Variants in DNMT1 observed in about 807,000 individuals in gnomAD.
DNMT1 encodes DNA methyltransferase 1.
A neutral mutation model predicts 205.3 loss-of-function variants in DNMT1; 24 were observed. The ratio of observed to expected loss-of-function variants is 0.12; its 90% confidence interval spans 0.08 to 0.16. The LOEUF (loss-of-function observed/expected upper bound fraction) is 0.16, where lower values mean the gene tolerates loss of function less well. Ranked by LOEUF, DNMT1 falls within the 10% of genes least tolerant of loss-of-function variation. The pLI, the probability that DNMT1 is intolerant of heterozygous loss-of-function variation, is 1.00. For synonymous variants in DNMT1, 817 were observed against 839.8 expected (o/e 0.97, Z 0.47); for missense variants, 1,293 against 2,177.7 (o/e 0.59, Z 8.09).
chr19:10,194,052 G>A (rs1324544735), intron 1 of DNMT1, among the ~76,000 whole-genome samples: 1 of 152,200 alleles, frequency 6.6e-6, no homozygotes, highest in Non-Finnish European at 1.5e-5. Context: ...ACACGAAAGT[G>A]TAGCCAGTTC....
intron 7 of DNMT1, among the ~76,000 whole-genome samples, chr19:10,174,744 AC>A (rs1251272638): frequency 6.6e-6 from 1 of 151,266 alleles, no homozygotes; most frequent in African/African-American, 2.4e-5. Flanking sequence ...AACAAAAAAA[AC>A]AAATTGGCTG....
At chr19:10,150,073 T>C in intron 24 of DNMT1, 105 bp from the exon 25 acceptor site, 1 of 982,652 alleles carries the variant, frequency 1.0e-6, no homozygotes, top group Non-Finnish European at 1.6e-6. Context: ...CTCGATTTCA[T>C]TAAGAAGTCA....
In DNMT1 at chr19:10,166,630, G is replaced by C. The variant is rs2145340495; in HGVS notation, c.859C>G (p.Gln287Glu). 6.2e-7 allele frequency: 1 copy of C among 1,614,154 alleles called. No individual in the cohort carries two copies. Among genetic ancestry groups the C allele is most frequent in the Non-Finnish European group, 8.5e-7 (1 of 1,180,010 alleles). Residue 287 changes from glutamine to glutamate, a missense_variant, in exon 11 of 41, where the codon CAG (glutamine) becomes GAG (glutamate). By Grantham distance (29) the Gln-to-Glu change is conservative. Coordinates refer to ENST00000359526, the MANE Select transcript of DNMT1 (RefSeq NM_001130823.3). ...TCTCCATCTTCGTCCTCGTCAGCCT[G>C]CACGCCTGCCCTGGCTTCTCTGTCC... ...EPDREARAGVQADEDEDGDEK... is the reference protein window; with the variant it reads ...EPDREARAGVEADEDEDGDEK...
At chr19:10,184,627 A>T (rs2039142389) in intron 1 of DNMT1, 1 of 152,276 alleles carries the variant, frequency 6.6e-6, no homozygotes, top group Non-Finnish European at 1.5e-5. Context: ...AGCCTGGACA[A>T]CATAGGGCGA....
In DNMT1 at chr19:10,143,852, G is replaced by A. The variant is rs2089649284; in HGVS notation, c.3030C>T (p.Gly1010=). 2 of 1,614,178 alleles carry A rather than the reference G, an allele frequency of 1.2e-6. No individual in the cohort carries two copies. Among genetic ancestry groups the A allele is most frequent in the Non-Finnish European group, 1.7e-6 (2 of 1,180,044 alleles). The change falls in exon 29 of 41, where the codon GGC becomes GGT. Residue 1010 remains glycine (G), a synonymous_variant. Transcript: ENST00000359526. ...NLDAPEPYRI[G]RIKEIFCPKK... is the part of the protein sequence containing the mutation. ...TGGGACAGAAGATCTCTTTGATCCG[G>A]CCAATTCGGTAGGGCTCAGGGGCAT... is the stretch of plus-strand genomic sequence containing the variant.
At chr19:10,177,889 C>T (rs535303802) in intron 5 of DNMT1, among the ~76,000 whole-genome samples, 8 of 147,350 alleles carry the variant, frequency 5.4e-5, no homozygotes, top group African/African-American at 2.5e-5. Context: ...GCCAAGATCG[C>T]GCCACTGTAC....
Position 10,137,898 on chromosome 19 carries a change from C to T in DNMT1, c.4227G>A (p.Gln1409=), listed in dbSNP as rs759807018. 1 of 1,613,524 alleles carries T rather than the reference C, an allele frequency of 6.2e-7. No homozygotes were observed. The highest frequency in any genetic ancestry group is 8.5e-7 in the Non-Finnish European group (1 of 1,179,902). Residue 1409 remains glutamine, a synonymous_variant, in exon 36 of 41, where the codon CAG becomes CAA. Transcript: ENST00000359526. This position sits in a 1 kb window ranked among gnomAD's most constrained non-coding sequence, Gnocchi z 6.4. ...ALEISYNGEP[Q]SWFQRQLRGA... ...CCCGGAGCTGCCTCTGGAACCAGGA[C>T]TGAGGCTCCCCGTTGTAGGAGATCT...
At chr19:10,136,656 G>A (rs145207140) in intron 37 of DNMT1, among the ~76,000 whole-genome samples, 1 of 152,080 alleles carries the variant, frequency 6.6e-6, no homozygotes, top group African/African-American at 2.4e-5. Context: ...GGCTGATCTC[G>A]AGCTCCTGAT....
At position 10,142,120 on chromosome 19, in the gene DNMT1, G is replaced by C. The variant is rs1217143527; in HGVS notation, c.3217C>G (p.Gln1073Glu). Residue 1073 changes from glutamine (Q) to glutamate (E), a missense_variant, in exon 30 of 41, where the codon CAG becomes GAG. Gln to Glu is a conservative substitution (Grantham distance 29, BLOSUM62 2). Around this residue, in one of 13 missense-constraint regions of DNMT1, gnomAD observed 167 missense variants for 258.1 expected, o/e 0.65. Coordinates refer to ENST00000359526, the MANE Select transcript of DNMT1 (RefSeq NM_001130823.3). ...CCATACTCCACGGTGCAGCGGCCCT[G>C]CACAGCCTTGAAGTCCACCACGGCC... ...EEAVVDFKAVQGRCTVEYGED... is the reference protein window; with the variant it reads ...EEAVVDFKAVEGRCTVEYGED... 1 of 1,613,848 alleles carries C rather than the reference G, an allele frequency of 6.2e-7. No homozygotes were observed. The highest frequency in any genetic ancestry group is 8.5e-7 in the Non-Finnish European group (1 of 1,180,002).
intron 28 of DNMT1, among the ~76,000 whole-genome samples, chr19:10,145,202 C>T (rs1010174404): frequency 2.6e-5 from 4 of 152,244 alleles, no homozygotes; most frequent in Non-Finnish European, 2.9e-5. Context: ...TCAGCTGTCA[C>T]GTTCTCCCCA....
chr19:10,140,742 C>T lies in DNMT1; in HGVS notation c.3523+39G>A, dbSNP rs777407319. 15 of 1,613,870 alleles carry T rather than the reference C, an allele frequency of 9.3e-6. No homozygotes were observed. The South Asian group carries it at 1.6e-4, about 18-fold the overall frequency. On this transcript the variant is annotated intron_variant, in intron 32 of 40. Transcript: ENST00000359526. This position sits in a 1 kb window ranked among gnomAD's most constrained non-coding sequence, Gnocchi z 8.4. ...TCAGGTAGCACCTGCCCGGTCTGGG[C>T]TCACCAGGTATTCAGAGATGGAGCC...
Position 10,138,550 on chromosome 19 carries a change from G to C in DNMT1, c.4004C>G (p.Ala1335Gly), listed in dbSNP as rs779490963. Residue 1335 changes from alanine (A) to glycine (G), a missense_variant, in exon 35 of 41, where the codon GCC becomes GGC. This residue lies in a region of DNMT1 where 148 missense variants were observed against 256.1 expected (regional missense o/e 0.58). Coordinates refer to ENST00000359526, the MANE Select transcript of DNMT1 (RefSeq NM_001130823.3). This position sits in a 1 kb window ranked among gnomAD's most constrained non-coding sequence, Gnocchi z 4.1. The part of the protein sequence containing the change: ...TRRRAIILAA[A>G]PGEKLPLFPE... ...GAACAGAGGGAGCTTCTCTCCAGGG[G>C]CCGCGGCCAGGATGATGGCCCGCCT... 6.2e-7 allele frequency: 1 copy of C among 1,611,128 alleles called. No individual in the cohort carries two copies. The highest frequency in any genetic ancestry group is 2.2e-5 in the East Asian group (1 of 44,884).
rs746932608 is a variant in DNMT1, at chr19:10,136,284, C to A, written c.4493G>T (p.Gly1498Val). 1.3e-5 allele frequency: 21 copies of A among 1,613,600 alleles called. No homozygotes were observed. The African/African-American group carries it at 1.7e-4, about 13-fold the overall frequency. Residue 1498 changes from glycine to valine, a missense_variant, in exon 38 of 41, where the codon GGC becomes GTC. Gly to Val is a moderately radical substitution (Grantham distance 109). Coordinates refer to ENST00000359526, the MANE Select transcript of DNMT1 (RefSeq NM_001130823.3). ...LRGVCSCVEA[G>V]KACDPAARQF... Reference sequence around the variant, plus strand: ...CCTGGCTGCGGGGTCGCAGGCTTTGCCGGCTGGAAGACAGGACAGTGATGA... The same window carrying A: ...CCTGGCTGCGGGGTCGCAGGCTTTGACGGCTGGAAGACAGGACAGTGATGA...
rs920252205 is a variant in DNMT1, at chr19:10,141,285, T to C, written c.3310-96A>G. On this transcript the variant is annotated intron_variant, in intron 30 of 40. Coordinates refer to ENST00000359526, the MANE Select transcript of DNMT1 (RefSeq NM_001130823.3). ...AAGGCAATTTGATAGTCACTTAATT[T>C]CTCCCTCAGTGGGGCCATGACCAAT... 51 of 1,287,300 alleles carry C rather than the reference T, an allele frequency of 4.0e-5. 1 individual carries two copies. In the Admixed American group the frequency reaches 8.7e-4, roughly 22 times the overall value. 79.7% of individuals were successfully genotyped at this position (1,287,300 alleles called of 1,614,324 possible).
At chr19:10,174,477 G>A (rs149683243) in intron 7 of DNMT1, among the ~76,000 whole-genome samples, 26 of 152,104 alleles carry the variant, frequency 1.7e-4, no homozygotes, top group African/African-American at 4.3e-4. Flanking sequence ...AGGCTGAAGC[G>A]GGTGGATCAC....
At chr19:10,161,316 CATAA>C (rs2038565092) in intron 13 of DNMT1, among the ~76,000 whole-genome samples, 2 of 135,956 alleles carry the variant, frequency 1.5e-5, no homozygotes, top group Non-Finnish European at 3.1e-5. Context: ...AAAACAAATA[CATAA>C]GTAAATAAAT....
At chr19:10,165,811 T>C (rs868327681) in intron 11 of DNMT1, among the ~76,000 whole-genome samples, 3 of 151,992 alleles carry the variant, frequency 2.0e-5, no homozygotes, top group African/African-American at 4.8e-5. Context: ...GTGCTGACAG[T>C]AAGGTGACCA....
At position 10,146,245 on chromosome 19, in the gene DNMT1, G is replaced by C; in HGVS notation, c.2894+106C>G. Reference sequence around the variant, plus strand: ...TGCCAACGTGACGGCTAGGACAACAGCTGGTGCGGAGGGATTGGCAATGTC... The same window carrying C: ...TGCCAACGTGACGGCTAGGACAACACCTGGTGCGGAGGGATTGGCAATGTC... On this transcript the variant is annotated intron_variant, in intron 28 of 40. Coordinates refer to ENST00000359526, the MANE Select transcript of DNMT1 (RefSeq NM_001130823.3). This position sits in a 1 kb window ranked among gnomAD's most constrained non-coding sequence, Gnocchi z 4.4. 7.3e-7 allele frequency: 1 copy of C among 1,368,550 alleles called. No homozygotes were observed. The highest frequency in any genetic ancestry group is 1.3e-5 in the South Asian group (1 of 76,046). The allele number at this position is 1,368,550 out of a possible 1,614,324, so 84.8% of individuals were successfully genotyped here.
At chr19:10,152,660 C>T (rs1311131199) in intron 22 of DNMT1, among the ~76,000 whole-genome samples, 1 of 151,772 alleles carries the variant, frequency 6.6e-6, no homozygotes, top group East Asian at 1.9e-4. Context: ...ACTTGGGAGG[C>T]TAAGGTGGGA....
Sources: allele counts gnomAD v4.1 joint callset (sites outside exome capture counted in the v4.1 genomes callset), GRCh38; gene constraint gnomAD v4.1.1; regional missense constraint gnomAD v4.1.1; non-coding constraint Gnocchi (gnomAD v3.1); transcripts MANE v1.5; gene names NCBI Gene and HGNC (gene_info 2026-07-23, HGNC 2026-07-21).